METTL16: variants seen among roughly 807,000 people sequenced by gnomAD.
METTL16 encodes RNA N(6)-adenosine-methyltransferase METTL16.
METTL16 carries 19 observed loss-of-function variants against 57.9 expected under a neutral mutation model. The ratio of observed to expected loss-of-function variants is 0.33; its 90% CI spans 0.23 to 0.48. METTL16 has a LOEUF of 0.48. METTL16 is among the 20% of genes least tolerant of loss of function. The pLI is 0.99. For synonymous variants in METTL16, 246 were observed against 255.6 expected, an observed-to-expected ratio of 0.96 and a Z score of 0.36; for missense variants, 434 against 691.5, an observed-to-expected ratio of 0.63 and a Z score of 4.18.
chr17:2,419,730 G>C lies in METTL16; in HGVS notation c.*240C>G, dbSNP rs1402774862. The C allele has an allele frequency of 5.9e-6, 4 of 677,038 alleles. No individual in the cohort carries two copies. The South Asian group carries it at 6.0e-5, about 10-fold the overall frequency. The allele number at this position is 677,038 out of a possible 1,614,324, so 41.9% of individuals were successfully genotyped here. ...GCAATCCCTCGGGAGTTTACTGAGG[G>C]CTTTCTGTTGTTACTGATGACCACA... On this transcript the variant is annotated 3_prime_UTR_variant, in exon 10 of 10. Coordinates refer to ENST00000263092, the MANE Select transcript of METTL16 (RefSeq NM_024086.4).
chr17:2,505,932 T>TG, intron 1 of METTL16, among the ~76,000 whole-genome samples: 1 of 152,220 alleles, frequency 6.6e-6, no homozygotes, highest in East Asian at 1.9e-4. Context: ...CCCTTGCTCT[T>TG]TGTGTCCTTC....
At chr17:2,473,436 G>A in intron 4 of METTL16, 88 bp downstream of exon 4, 2 of 1,416,614 alleles carry the variant, frequency 1.4e-6, no homozygotes, top group Non-Finnish European at 9.5e-7. Context: ...CGAAGTCTGT[G>A]TATTAAAGAA....
chr17:2,458,250 A>G (rs567636037), intron 6 of METTL16, among the ~76,000 whole-genome samples: 1 of 152,308 alleles, frequency 6.6e-6, no homozygotes, highest in South Asian at 2.1e-4. Context: ...AGCAGTATCC[A>G]TCATCTGGCA....
chr17:2,430,484 C>G (rs1368822813), intron 8 of METTL16, among the ~76,000 whole-genome samples: 1 of 136,398 alleles, frequency 7.3e-6, no homozygotes, highest in Non-Finnish European at 1.5e-5. Context: ...GGCGGGATCT[C>G]GGCTCACTGC....
rs1342302950 is a variant in METTL16 at position 2,420,266 on chromosome 17, C to T, written c.1393G>A (p.Asp465Asn). 2 of 1,614,020 alleles carry T rather than the reference C, an allele frequency of 1.2e-6. No individual in the cohort carries two copies. The highest frequency in any genetic ancestry group is 1.6e-4 in the Middle Eastern group (1 of 6,062). The change falls in exon 10 of 10, where the codon GAT (aspartate) becomes AAT (asparagine). Residue 465 changes from aspartate (D) to asparagine (N), a missense_variant. Around this residue, in one of 5 missense-constraint regions of METTL16, gnomAD observed 168 missense variants for 149.6 expected, o/e 1.12. Coordinates refer to ENST00000263092, the MANE Select transcript of METTL16 (RefSeq NM_024086.4). The surrounding 1 kb of genome is among the most constrained non-coding windows in gnomAD (Gnocchi z 5.4). Reference protein sequence around the residue: ...SQEENPEPTEDERSEEKGGVE... With the variant: ...SQEENPEPTENERSEEKGGVE... ...CCTCCCTTTTCCTCACTCCTTTCAT[C>T]CTCCGTGGGTTCCGGGTTTTCCTCC...
intron 8 of METTL16, among the ~76,000 whole-genome samples, chr17:2,429,506 C>T (rs976832855): frequency 6.0e-5 from 9 of 150,270 alleles, no homozygotes; most frequent in South Asian, 2.1e-4. Context: ...AACATTTATC[C>T]GGCTTTACTA....
At chr17:2,483,202 C>CTTAAT (rs1567901125) in intron 2 of METTL16, among the ~76,000 whole-genome samples, 2 of 151,982 alleles carry the variant, frequency 1.3e-5, no homozygotes, top group Admixed American at 1.3e-4. Context: ...AAAATAAAAG[C>CTTAAT]TTAACCAAAA....
At chr17:2,421,629 C>T (rs1336202108) in intron 8 of METTL16, among the ~76,000 whole-genome samples, 3 of 152,156 alleles carry the variant, frequency 2.0e-5, no homozygotes, top group Non-Finnish European at 2.9e-5. Context: ...CATGACAACT[C>T]GAGGACCCTG....
chr17:2,422,346 A>AC lies in METTL16; in HGVS notation c.889-1443_889-1442insG, dbSNP rs1198786294. ...GTGAAACTCCGTTTTAGAAAAAAAA[A>AC]AAAACAAAACCAATGCCACCACTGT... is the stretch of plus-strand genomic sequence containing the variant. On this transcript the variant is annotated intron_variant, in intron 8 of 9. Coordinates refer to ENST00000263092, the MANE Select transcript of METTL16 (RefSeq NM_024086.4). 4.6e-5 allele frequency among the ~76,000 whole-genome samples: 7 copies of AC among 151,270 alleles called. No homozygotes were observed. The South Asian group carries it at 6.3e-4, about 14-fold the overall frequency.
At chr17:2,504,681 G>A (rs371634301) in intron 1 of METTL16, among the ~76,000 whole-genome samples, 20 of 152,076 alleles carry the variant, frequency 1.3e-4, no homozygotes, top group African/African-American at 3.9e-4. Flanking sequence ...TCAGCCTCCC[G>A]AGTAGCTGGG....
chr17:2,454,060 T>G (rs1428799984), intron 6 of METTL16, among the ~76,000 whole-genome samples: 2 of 152,208 alleles, frequency 1.3e-5, no homozygotes, highest in Admixed American at 1.3e-4. Context: ...GAAACTCATG[T>G]TGTCCCAGCT....
At chr17:2,443,258 G>A (rs1032885564) in intron 6 of METTL16, among the ~76,000 whole-genome samples, 1 of 152,104 alleles carries the variant, frequency 6.6e-6, no homozygotes, top group Non-Finnish European at 1.5e-5. Flanking sequence ...ACAAGCATGA[G>A]CCACCATGCG....
chr17:2,454,359 T>G (rs999676923), intron 6 of METTL16, among the ~76,000 whole-genome samples: 5 of 152,094 alleles, frequency 3.3e-5, no homozygotes, highest in Non-Finnish European at 7.4e-5. Context: ...ATCCAACACC[T>G]TGCTGCCTAT....
intron 6 of METTL16, among the ~76,000 whole-genome samples, chr17:2,459,271 A>G (rs1457442830): frequency 6.6e-6 from 1 of 152,244 alleles, no homozygotes; most frequent in Non-Finnish European, 1.5e-5. Context: ...GGGGTGGTGG[A>G]AAGACCACTG....
chr17:2,492,892 C>A (rs1290918498), intron 2 of METTL16, among the ~76,000 whole-genome samples: 3 of 76,716 alleles, frequency 3.9e-5, no homozygotes, highest in African/African-American at 4.9e-5. Flanking sequence ...AGCAAGACTC[C>A]GTCTCAAAAA....
intron 6 of METTL16, among the ~76,000 whole-genome samples, chr17:2,454,723 C>T (rs764769759): frequency 1.2e-3 from 176 of 151,334 alleles, no homozygotes; most frequent in Middle Eastern, 3.4e-3. Context: ...CGCCATCATG[C>T]CCAGCTAATT....
chr17:2,498,765 T>C (rs2067465120), intron 2 of METTL16, among the ~76,000 whole-genome samples: 2 of 151,456 alleles, frequency 1.3e-5, no homozygotes, highest in Admixed American at 6.6e-5. Context: ...CTTTAGTGGA[T>C]GAGGATGGGG....
At chr17:2,442,491 A>G (rs975794540) in intron 6 of METTL16, among the ~76,000 whole-genome samples, 3 of 149,150 alleles carry the variant, frequency 2.0e-5, no homozygotes, top group African/African-American at 7.8e-5. Context: ...TAAGAAGAAG[A>G]AAGGAAAAAA....
At chr17:2,488,554 G>A (rs545518384) in intron 2 of METTL16, among the ~76,000 whole-genome samples, 6 of 151,994 alleles carry the variant, frequency 3.9e-5, no homozygotes, top group South Asian at 2.1e-4. Context: ...GCAAGACTCC[G>A]TTCCCCACCC....
Sources: allele counts gnomAD v4.1 joint callset (sites outside exome capture counted in the v4.1 genomes callset), GRCh38; gene constraint gnomAD v4.1.1; regional missense constraint gnomAD v4.1.1; non-coding constraint Gnocchi (gnomAD v3.1); transcripts MANE v1.5; gene names NCBI Gene and HGNC (gene_info 2026-07-23, HGNC 2026-07-21).